Variants in TENM1 observed in about 807,000 individuals in gnomAD.
TENM1 encodes the protein teneurin transmembrane protein 1.
TENM1 carries 35 observed loss-of-function variants against 174.8 expected under a neutral mutation model. That is an observed-to-expected ratio of 0.20 (90% CI 0.15 to 0.27). The LOEUF is 0.27. Among genes scored for constraint, TENM1 ranks in the 10% least tolerant of loss-of-function variants. TENM1 has a pLI of 1.00. For missense variants in TENM1, 1,633 were observed against 2,130.1 expected, an observed-to-expected ratio of 0.77 and a Z score of 4.59; for synonymous variants, 781 against 798.7, an observed-to-expected ratio of 0.98 and a Z score of 0.37.
the TENM1 span, among the ~76,000 whole-genome samples, chrX:125,020,559 T>C: frequency 9.2e-6 from 1 of 109,077 alleles, no homozygotes; most frequent in Admixed American, 9.9e-5. Context: ...CCTAGCCAAA[T>C]GCTTCAAAAT....
the TENM1 span, among the ~76,000 whole-genome samples, chrX:125,120,607 C>T: frequency 9.0e-6 from 1 of 111,245 alleles, no homozygotes; most frequent in African/African-American, 3.3e-5. Context: ...CTTTAGAAGG[C>T]TTCATATGGA....
the TENM1 span, among the ~76,000 whole-genome samples, chrX:125,163,835 T>C: frequency 8.9e-6 from 1 of 111,792 alleles, no homozygotes. Flanking sequence ...AGGACTTATT[T>C]TGCTACTCTT....
At position 124,476,385 on chromosome X, in the gene TENM1, T is replaced by G. The variant is rs1267104007; in HGVS notation, c.3949+5347A>C. 2.7e-5 allele frequency among the ~76,000 whole-genome samples: 3 copies of G among 112,107 alleles called. No individual in the cohort carries two copies. The Admixed American group carries it at 2.8e-4, about 11-fold the overall frequency. ...TTCTTAATTTCCAATAAAGTTAAGATGAATCCCGTAAGGTTAGTGTCATGT... is the reference window on the plus strand; with the variant it reads ...TTCTTAATTTCCAATAAAGTTAAGAGGAATCCCGTAAGGTTAGTGTCATGT... On this transcript the variant is annotated intron_variant, in intron 22 of 31. Transcript: ENST00000422452.
intron 5 of TENM1, among the ~76,000 whole-genome samples, chrX:124,695,904 C>T (rs1294282346): frequency 9.0e-6 from 1 of 111,337 alleles, no homozygotes; most frequent in Non-Finnish European, 1.9e-5. Flanking sequence ...TGATGGCTAA[C>T]CCAAGTTATA....
the TENM1 span, among the ~76,000 whole-genome samples, chrX:125,007,574 C>T: frequency 9.0e-6 from 1 of 110,777 alleles, no homozygotes; most frequent in Non-Finnish European, 1.9e-5. Flanking sequence ...CCCCAAGACA[C>T]GTAATCTTCA....
At chrX:125,087,560 A>G in the TENM1 span, among the ~76,000 whole-genome samples, 1 of 111,242 alleles carries the variant, frequency 9.0e-6, no homozygotes, top group South Asian at 3.7e-4. Flanking sequence ...GTGATCTTCT[A>G]TCAGCTTCTC....
intron 11 of TENM1, among the ~76,000 whole-genome samples, chrX:124,579,456 A>G (rs2049249313): frequency 9.0e-6 from 1 of 111,265 alleles, no homozygotes; most frequent in East Asian, 2.8e-4. Context: ...CTCTACCTGC[A>G]CAAATGATTT....
chrX:124,760,947 CTCG>C (rs1450705845), intron 3 of TENM1, among the ~76,000 whole-genome samples: 2 of 112,091 alleles, frequency 1.8e-5, no homozygotes, highest in African/African-American at 6.5e-5. Flanking sequence ...TGAAAAAATG[CTCG>C]TCATCACTGG....
At chrX:124,994,441 T>C in the TENM1 span, among the ~76,000 whole-genome samples, 1 of 109,843 alleles carries the variant, frequency 9.1e-6, no homozygotes, top group South Asian at 3.9e-4. Context: ...AGGTTCATTG[T>C]CCTTATCTTA....
chrX:124,644,551 T>G (rs1469394070), intron 10 of TENM1, among the ~76,000 whole-genome samples: 1 of 110,476 alleles, frequency 9.1e-6, no homozygotes, highest in African/African-American at 3.3e-5. Flanking sequence ...ACTTGCCATT[T>G]CAAAATTTTG....
chrX:124,566,918 A>G (rs1486208026), intron 11 of TENM1, among the ~76,000 whole-genome samples: 1 of 112,133 alleles, frequency 8.9e-6, no homozygotes, highest in Non-Finnish European at 1.9e-5. Context: ...TGTTTGCGTA[A>G]GAATGCAATA....
In TENM1 at chrX:124,894,355, G is replaced by A; in HGVS notation, c.479-3C>T. ...ACAAACAGGAGAGAATTTGAAACCTGTAACAGTAAACATTTCACTAGTTAA... is the reference window on the plus strand; with the variant it reads ...ACAAACAGGAGAGAATTTGAAACCTATAACAGTAAACATTTCACTAGTTAA... On this transcript the variant is annotated splice_polypyrimidine_tract_variant and splice_region_variant and intron_variant, in intron 2 of 31. Transcript: ENST00000422452. 3 of 1,188,068 alleles carry A rather than the reference G, an allele frequency of 2.5e-6. No homozygotes were observed. The highest frequency in any genetic ancestry group is 2.3e-6 in the Non-Finnish European group (2 of 880,123).
At chrX:124,572,900 T>C (rs2049087571) in intron 11 of TENM1, among the ~76,000 whole-genome samples, 1 of 111,617 alleles carries the variant, frequency 9.0e-6, no homozygotes, top group Non-Finnish European at 1.9e-5. Flanking sequence ...TGTTCATGGC[T>C]CACAAGGCTT....
intron 25 of TENM1, among the ~76,000 whole-genome samples, chrX:124,417,972 C>T (rs555972508): frequency 8.9e-6 from 1 of 112,238 alleles, no homozygotes; most frequent in South Asian, 3.8e-4. Flanking sequence ...GGCCCAACTC[C>T]CTGGTCCAAG....
At chrX:125,195,177 G>C in the TENM1 span, among the ~76,000 whole-genome samples, 1 of 111,781 alleles carries the variant, frequency 8.9e-6, no homozygotes. Context: ...AGTAAAAGGA[G>C]AGACCAGTGC....
intron 11 of TENM1, among the ~76,000 whole-genome samples, chrX:124,612,732 C>G (rs1356905002): frequency 9.0e-6 from 1 of 111,064 alleles, no homozygotes; most frequent in Non-Finnish European, 1.9e-5. Context: ...TGACCTCCTT[C>G]TTTTCCTTGC....
intron 3 of TENM1, among the ~76,000 whole-genome samples, chrX:124,760,669 G>A (rs1042076495): frequency 8.9e-6 from 1 of 111,738 alleles, no homozygotes; most frequent in East Asian, 2.8e-4. Flanking sequence ...AAAAAGCAAT[G>A]GCAACAAAAG....
chrX:124,741,936 C>A (rs776599152), intron 3 of TENM1, among the ~76,000 whole-genome samples: 37 of 112,305 alleles, frequency 3.3e-4, no homozygotes, highest in African/African-American at 1.2e-3. Context: ...TCTCAAACAT[C>A]CCAATGGCAA....
chrX:124,858,762 C>G (rs191763858), intron 3 of TENM1, among the ~76,000 whole-genome samples: 2 of 110,604 alleles, frequency 1.8e-5, no homozygotes, highest in African/African-American at 6.6e-5. Flanking sequence ...ATATTTCATA[C>G]GATATCTGAA....
Sources: allele counts gnomAD v4.1 joint callset (sites outside exome capture counted in the v4.1 genomes callset), GRCh38; gene constraint gnomAD v4.1.1; transcripts MANE v1.5; gene names NCBI Gene and HGNC (gene_info 2026-07-23, HGNC 2026-07-21).